The following LSAMP variants were observed in gnomAD, a reference collection of about 807,000 sequenced individuals.
The protein encoded by LSAMP is limbic system associated membrane protein.
A neutral mutation model predicts 38.6 loss-of-function variants in LSAMP; 7 were observed. The ratio of observed to expected loss-of-function variants is 0.18; its 90% CI spans 0.10 to 0.34. LSAMP has a LOEUF of 0.34. Among genes scored for constraint, LSAMP ranks in the 10% least tolerant of loss-of-function variants. The probability of loss-of-function intolerance (pLI) is 1.00; values close to 1 mark genes in which losing one functional copy is unlikely to be tolerated. For synonymous variants in LSAMP, 154 were observed against 166.8 expected, an observed-to-expected ratio of 0.92 and a Z score of 0.59; for missense variants, 313 against 420.0, an observed-to-expected ratio of 0.75 and a Z score of 2.23.
chr3:116,070,912 C>T (rs565808011), intron 2 of LSAMP, among the ~76,000 whole-genome samples: 3 of 151,854 alleles, frequency 2.0e-5, no homozygotes, highest in Non-Finnish European at 2.9e-5. Context: ...TGGTGTCACA[C>T]GCCTGTAATC....
intron 1 of LSAMP, among the ~76,000 whole-genome samples, chr3:116,212,810 C>G (rs1197692882): frequency 2.0e-5 from 3 of 152,098 alleles, no homozygotes; most frequent in Non-Finnish European, 4.4e-5. Flanking sequence ...CACTCTCACC[C>G]AACTACTTGA....
Position 116,230,752 on chromosome 3 carries a change from A to G in LSAMP, c.156-144196T>C, listed in dbSNP as rs574755506. On this transcript the variant is annotated intron_variant, in intron 1 of 6. Coordinates refer to ENST00000490035, the MANE Select transcript of LSAMP (RefSeq NM_002338.5). Reference sequence around the variant, plus strand: ...TTTTGTGCGCTGATGCATTTACAGTACTAGTAATTAATGCCGTTAGCTTTG... The same window carrying G: ...TTTTGTGCGCTGATGCATTTACAGTGCTAGTAATTAATGCCGTTAGCTTTG... 4.0e-4 allele frequency among the ~76,000 whole-genome samples: 61 copies of G among 152,284 alleles called. 1 individual carries two copies. Among genetic ancestry groups the G allele is most frequent in the African/African-American group, 1.4e-3 (60 of 41,548 alleles).
intron 1 of LSAMP, among the ~76,000 whole-genome samples, chr3:116,280,737 A>C (rs1428639901): frequency 6.6e-6 from 1 of 152,216 alleles, no homozygotes; most frequent in South Asian, 2.1e-4. Context: ...TCTTTCCAAC[A>C]GTCGTGGTTC....
At chr3:115,948,631 A>G (rs1042483510) in intron 3 of LSAMP, among the ~76,000 whole-genome samples, 2 of 152,224 alleles carry the variant, frequency 1.3e-5, no homozygotes, top group African/African-American at 2.4e-5. Context: ...CAGCAAAAAC[A>G]GTGCTAAAAG....
rs79578805 is a variant in LSAMP, at chr3:116,129,888, C to G, written c.156-43332G>C. Among the ~76,000 whole-genome samples the G allele has an allele frequency of 3.9e-3, 587 of 152,302 alleles. 11 individuals are homozygous for G. The highest frequency in any genetic ancestry group is 0.026 in the East Asian group (137 of 5,178). On this transcript the variant is annotated intron_variant, in intron 1 of 6. Transcript: ENST00000490035. ...GTAAAGCCTTAAGAGAGGCACTGGA[C>G]TTCAGATTTTATGTGTTCATCTGGA...
At chr3:116,351,285 C>T (rs963380345) in intron 1 of LSAMP, among the ~76,000 whole-genome samples, 6 of 152,012 alleles carry the variant, frequency 3.9e-5, no homozygotes, top group African/African-American at 1.4e-4. Flanking sequence ...TTATTTCCCA[C>T]ACCCTACCTT....
At chr3:116,325,148 G>T (rs2047753484) in intron 1 of LSAMP, among the ~76,000 whole-genome samples, 1 of 150,358 alleles carries the variant, frequency 6.7e-6, no homozygotes, top group African/African-American at 2.4e-5. Context: ...ATATATACTA[G>T]AGATGAGGTC....
At chr3:116,114,337 G>C (rs1185255630) in intron 1 of LSAMP, among the ~76,000 whole-genome samples, 1 of 152,172 alleles carries the variant, frequency 6.6e-6, no homozygotes, top group Non-Finnish European at 1.5e-5. Context: ...TTACCCTGTG[G>C]AACAATGGGC....
At chr3:116,032,154 G>A (rs1940942217) in intron 2 of LSAMP, among the ~76,000 whole-genome samples, 1 of 151,656 alleles carries the variant, frequency 6.6e-6, no homozygotes, top group Admixed American at 6.6e-5. Flanking sequence ...TTCTTTGGAG[G>A]GGCAAATCAA....
intron 3 of LSAMP, among the ~76,000 whole-genome samples, chr3:116,019,137 T>A (rs1244195766): frequency 7.9e-6 from 1 of 126,446 alleles, no homozygotes. Flanking sequence ...TTAATGCTTC[T>A]GTATTTGTTG....
At chr3:115,924,014 G>A (rs1447982389) in intron 3 of LSAMP, among the ~76,000 whole-genome samples, 3 of 151,978 alleles carry the variant, frequency 2.0e-5, no homozygotes, top group Admixed American at 6.6e-5. Flanking sequence ...AAGGCCATCA[G>A]TATAAAGGGC....
intron 3 of LSAMP, among the ~76,000 whole-genome samples, chr3:115,910,645 C>T (rs1197132247): frequency 6.6e-6 from 1 of 152,172 alleles, no homozygotes; most frequent in African/African-American, 2.4e-5. Context: ...GAATTTCCAT[C>T]ACTACAAGGA....
At chr3:115,832,485 G>A (rs1934646390) in intron 6 of LSAMP, among the ~76,000 whole-genome samples, 1 of 152,196 alleles carries the variant, frequency 6.6e-6, no homozygotes, top group African/African-American at 2.4e-5. Context: ...ATAGATATTT[G>A]GGTACTTAAC....
At chr3:115,935,358 G>C (rs999894795) in intron 3 of LSAMP, among the ~76,000 whole-genome samples, 3 of 152,092 alleles carry the variant, frequency 2.0e-5, no homozygotes, top group Admixed American at 1.3e-4. Flanking sequence ...GTGGCCGGGT[G>C]GGGGGATAAA....
intron 1 of LSAMP, among the ~76,000 whole-genome samples, chr3:116,337,517 C>A (rs2047936313): frequency 6.6e-6 from 1 of 151,888 alleles, no homozygotes; most frequent in South Asian, 2.1e-4. Flanking sequence ...TAGTCAAAAA[C>A]CAAAGAGTAT....
chr3:116,141,764 C>A (rs1228914610), intron 1 of LSAMP, among the ~76,000 whole-genome samples: 2 of 151,912 alleles, frequency 1.3e-5, no homozygotes, highest in African/African-American at 2.4e-5. Context: ...CTTGTGAGAG[C>A]TCCGGAGCTA....
chr3:116,343,858 A>T (rs949078978), intron 1 of LSAMP, among the ~76,000 whole-genome samples: 2 of 152,046 alleles, frequency 1.3e-5, no homozygotes, highest in Non-Finnish European at 2.9e-5. Flanking sequence ...TAACCATATG[A>T]TTTTTTTCAA....
intron 3 of LSAMP, among the ~76,000 whole-genome samples, chr3:115,892,011 C>T (rs1291881017): frequency 6.6e-6 from 1 of 151,908 alleles, no homozygotes; most frequent in Non-Finnish European, 1.5e-5. Context: ...CTTAACATTG[C>T]AGGAACAAAG....
intron 6 of LSAMP, among the ~76,000 whole-genome samples, chr3:115,826,956 CT>C (rs67125824): frequency 0.033 from 4,442 of 133,414 alleles, 211 homozygotes; most frequent in African/African-American, 0.11. Flanking sequence ...ATCATTCCGT[CT>C]TTTTTTTTTT....
Sources: gnomAD v4.1 joint callset for allele counts (sites outside exome capture counted in the v4.1 genomes callset) on GRCh38, gnomAD v4.1.1 for gene constraint, MANE v1.5 for transcripts, NCBI Gene and HGNC (gene_info 2026-07-23, HGNC 2026-07-21) for gene names.